DGKB: variants seen among roughly 807,000 people sequenced by gnomAD.
DGKB encodes the protein 90 kDa diacylglycerol kinase.
Under a neutral mutation model 114.3 loss-of-function variants are expected in DGKB, and 67 were observed. That is an observed-to-expected ratio of 0.59 (90% CI 0.48 to 0.72). DGKB has a LOEUF of 0.72. Among genes scored for constraint, DGKB ranks in the 30% least tolerant of loss-of-function variants. The pLI is 0.00. For missense variants in DGKB, 907 were observed against 975.2 expected (o/e 0.93, Z 0.93); for synonymous variants, 398 against 323.1 (o/e 1.23, Z -2.49).
intron 2 of DGKB, among the ~76,000 whole-genome samples, chr7:14,802,326 G>T (rs1842277651): frequency 6.6e-6 from 1 of 151,910 alleles, no homozygotes; most frequent in African/African-American, 2.4e-5. Flanking sequence ...TTTTACAAAA[G>T]CAATCATTTT....
intron 2 of DGKB, among the ~76,000 whole-genome samples, chr7:14,788,951 A>G (rs1200444784): frequency 6.6e-6 from 1 of 152,142 alleles, no homozygotes; most frequent in African/African-American, 2.4e-5. Flanking sequence ...AGCACAGATA[A>G]AGCCCCCTCT....
rs151114038 is a variant in DGKB, at chr7:14,322,065, A to C, written c.2122+16450T>G. ...AAAACATTAATTAGGAAACTGTAGT[A>C]CTGGCGTAAGGACTGATGAATCGAC... On this transcript the variant is annotated intron_variant, in intron 23 of 25. Coordinates refer to ENST00000402815, the MANE Select transcript of DGKB (RefSeq NM_001350709.2). Among the ~76,000 whole-genome samples the C allele has an allele frequency of 5.6e-3, 849 of 152,312 alleles. 10 individuals carry two copies. The highest frequency in any genetic ancestry group is 0.019 in the African/African-American group (810 of 41,558).
At chr7:14,458,854 C>T (rs1832679422) in intron 21 of DGKB, among the ~76,000 whole-genome samples, 1 of 152,140 alleles carries the variant, frequency 6.6e-6, no homozygotes, top group South Asian at 2.1e-4. Context: ...CAAGACAGAA[C>T]CGTTCACTCT....
intron 1 of DGKB, among the ~76,000 whole-genome samples, chr7:14,848,416 G>A (rs896795914): frequency 6.6e-6 from 1 of 152,160 alleles, no homozygotes; most frequent in Non-Finnish European, 1.5e-5. Context: ...GTTTTGGGAT[G>A]TATTAAGTTG....
chr7:14,853,097 T>C (rs545345842), intron 1 of DGKB, among the ~76,000 whole-genome samples: 1 of 152,284 alleles, frequency 6.6e-6, no homozygotes, highest in African/African-American at 2.4e-5. Context: ...AATGCTGTTA[T>C]TCAACCTCAA....
At chr7:14,378,480 A>G (rs1818850996) in intron 21 of DGKB, among the ~76,000 whole-genome samples, 1 of 152,192 alleles carries the variant, frequency 6.6e-6, no homozygotes, top group Non-Finnish European at 1.5e-5. Context: ...CTTTCTGTAA[A>G]TCTAAAGTTA....
At position 14,188,433 on chromosome 7, in the gene DGKB, G is replaced by A. The variant is rs935166128; in HGVS notation, c.2123-10282C>T. On this transcript the variant is annotated intron_variant, in intron 23 of 25. Coordinates refer to ENST00000402815, the MANE Select transcript of DGKB (RefSeq NM_001350709.2). Reference sequence around the variant, plus strand: ...CCCAGCACTTTGGGAGGCCGAGGCGGGCGGATCACGAGGTCAGGAGATCGA... The same window carrying A: ...CCCAGCACTTTGGGAGGCCGAGGCGAGCGGATCACGAGGTCAGGAGATCGA... Among the ~76,000 whole-genome samples, 11 of 120,636 alleles carry A rather than the reference G, an allele frequency of 9.1e-5. 3 individuals carry two copies. The Admixed American group carries it at 1.0e-3, about 11-fold the overall frequency. The allele number at this position is 120,636 out of a possible 152,430, so 79.1% of individuals were successfully genotyped here. A position where few individuals can be genotyped will look rare whatever the true frequency, so the allele number is the denominator to read the frequency against.
chr7:14,359,225 C>T (rs187423310), intron 21 of DGKB, among the ~76,000 whole-genome samples: 43 of 152,278 alleles, frequency 2.8e-4, no homozygotes, highest in Admixed American at 2.3e-3. Context: ...TGAAAGGATT[C>T]CTTATTTAAT....
At chr7:14,399,391 C>A (rs1490121623) in intron 21 of DGKB, among the ~76,000 whole-genome samples, 1 of 151,528 alleles carries the variant, frequency 6.6e-6, no homozygotes, top group East Asian at 1.9e-4. Flanking sequence ...CCAGTTAATG[C>A]CCTAAAACCT....
chr7:14,557,628 A>G (rs1350947212), intron 20 of DGKB, among the ~76,000 whole-genome samples: 1 of 151,970 alleles, frequency 6.6e-6, no homozygotes, highest in Non-Finnish European at 1.5e-5. Context: ...CTCCATATAC[A>G]GTTTTGCCCA....
chr7:14,579,643 A>G (rs1423269484), intron 19 of DGKB, among the ~76,000 whole-genome samples: 1 of 152,144 alleles, frequency 6.6e-6, no homozygotes, highest in Non-Finnish European at 1.5e-5. Flanking sequence ...CTCCTGAAGT[A>G]TATTCTTACT....
rs570301512 is a variant in DGKB at position 14,548,068 on chromosome 7, G to C, written c.1770+26144C>G. Among the ~76,000 whole-genome samples, 247 of 152,216 alleles carry C rather than the reference G, an allele frequency of 1.6e-3. 1 individual carries two copies. The highest frequency in any genetic ancestry group is 5.5e-3 in the African/African-American group (230 of 41,530). On this transcript the variant is annotated intron_variant, in intron 20 of 25. Coordinates refer to ENST00000402815, the MANE Select transcript of DGKB (RefSeq NM_001350709.2). ...GAAAGTATTATTTAAATTATGATGG[G>C]AAATTTATACCATTTGCTTTTACCT...
intron 23 of DGKB, among the ~76,000 whole-genome samples, chr7:14,255,623 A>G (rs1795852835): frequency 6.6e-6 from 1 of 152,184 alleles, no homozygotes; most frequent in Admixed American, 6.5e-5. Context: ...CGTGTAAAAA[A>G]TAATATAATG....
chr7:14,774,016 T>TG lies in DGKB; in HGVS notation c.71-16286dup, dbSNP rs376559719. Among the ~76,000 whole-genome samples the TG allele has an allele frequency of 4.4e-3, 671 of 152,254 alleles. 8 individuals are homozygous for TG. The highest frequency in any genetic ancestry group is 0.015 in the African/African-American group (628 of 41,564). ...TAGAATTTGTGACAGCCAGCTGCCT[T>TG]GGTTTTTGTTTGATTGTTTGTTTGT... On this transcript the variant is annotated intron_variant, in intron 2 of 25. Transcript: ENST00000402815.
chr7:14,313,606 A>G (rs1805846270), intron 23 of DGKB, among the ~76,000 whole-genome samples: 1 of 152,140 alleles, frequency 6.6e-6, no homozygotes, highest in African/African-American at 2.4e-5. Context: ...ACGAGATTAT[A>G]TCCGCACCTG....
intron 20 of DGKB, among the ~76,000 whole-genome samples, chr7:14,512,309 C>T (rs1788102043): frequency 6.6e-6 from 1 of 152,074 alleles, no homozygotes; most frequent in Non-Finnish European, 1.5e-5. Context: ...ACCTTCTTTA[C>T]AAGATGGAAT....
At chr7:14,790,834 C>T (rs1200232760) in intron 2 of DGKB, among the ~76,000 whole-genome samples, 2 of 152,018 alleles carry the variant, frequency 1.3e-5, no homozygotes, top group Non-Finnish European at 2.9e-5. Flanking sequence ...TTGTCTATAT[C>T]TGCCAAAAAA....
intron 20 of DGKB, among the ~76,000 whole-genome samples, chr7:14,507,725 C>G (rs1231896309): frequency 6.6e-6 from 1 of 152,128 alleles, no homozygotes; most frequent in Admixed American, 6.5e-5. Flanking sequence ...TATGTACTAT[C>G]TATCGAAATT....
At chr7:14,321,269 C>T (rs1317510938) in intron 23 of DGKB, among the ~76,000 whole-genome samples, 5 of 151,900 alleles carry the variant, frequency 3.3e-5, no homozygotes, top group Non-Finnish European at 5.9e-5. Flanking sequence ...TCAGCCTGGG[C>T]AACAGAGTGA....
Sources: gnomAD v4.1 joint callset for allele counts (sites outside exome capture counted in the v4.1 genomes callset) on GRCh38, gnomAD v4.1.1 for gene constraint, MANE v1.5 for transcripts, NCBI Gene and HGNC (gene_info 2026-07-23, HGNC 2026-07-21) for gene names.